TEX36: variants seen among roughly 807,000 people sequenced by gnomAD.
The protein encoded by TEX36 is testis-expressed protein 36.
A neutral mutation model predicts 13.6 loss-of-function variants in TEX36; 12 were observed. The observed-to-expected ratio is 0.88, with a 90% CI of 0.56 to 1.43. TEX36 has a LOEUF of 1.43. TEX36 is among the 40% of genes most tolerant of loss of function. The pLI is 0.00. For synonymous variants in TEX36, 93 were observed against 83.0 expected, an observed-to-expected ratio of 1.12 and a Z score of -0.65; for missense variants, 224 against 228.3, an observed-to-expected ratio of 0.98 and a Z score of 0.12.
chr10:125,609,399 G>T (rs902955838), intron 3 of TEX36, among the ~76,000 whole-genome samples: 8 of 152,132 alleles, frequency 5.3e-5, no homozygotes, highest in Non-Finnish European at 8.8e-5. Context: ...TTTTTCTTGG[G>T]CACAGTTAAA....
chr10:125,657,190 T>G (rs1278438781), intron 3 of TEX36, among the ~76,000 whole-genome samples: 1 of 152,212 alleles, frequency 6.6e-6, no homozygotes, highest in Non-Finnish European at 1.5e-5. Context: ...GTGAGGTTTC[T>G]GTGATGAAGG....
intron 3 of TEX36, among the ~76,000 whole-genome samples, chr10:125,644,594 C>T (rs1033480547): frequency 6.6e-6 from 1 of 152,134 alleles, no homozygotes; most frequent in African/African-American, 2.4e-5. Context: ...CTGAATAAGG[C>T]TTGTGGATTG....
intron 3 of TEX36, among the ~76,000 whole-genome samples, chr10:125,611,056 A>AT (rs1846283707): frequency 6.6e-6 from 1 of 151,992 alleles, no homozygotes; most frequent in African/African-American, 2.4e-5. Flanking sequence ...TATTGTGAAC[A>AT]TTTTTTGGCA....
chr10:125,624,787 G>A (rs1185278894), intron 3 of TEX36, among the ~76,000 whole-genome samples: 2 of 152,074 alleles, frequency 1.3e-5, no homozygotes, highest in African/African-American at 2.4e-5. Context: ...TTTTGTGAGA[G>A]GGGGCTCGGG....
intron 3 of TEX36, among the ~76,000 whole-genome samples, chr10:125,622,778 T>G (rs1846443566): frequency 6.6e-6 from 1 of 152,196 alleles, no homozygotes; most frequent in Non-Finnish European, 1.5e-5. Flanking sequence ...GTCGATTTCA[T>G]CTTGATAGTC....
intron 3 of TEX36, among the ~76,000 whole-genome samples, chr10:125,613,704 A>G (rs1431201488): frequency 6.6e-6 from 1 of 151,852 alleles, no homozygotes; most frequent in Non-Finnish European, 1.5e-5. Context: ...GGTTGGTTCC[A>G]AGTCTTTGCT....
chr10:125,621,709 C>T (rs1846431372), intron 3 of TEX36: 1 of 455,286 alleles, frequency 2.2e-6, no homozygotes, highest in African/African-American at 2.0e-5. Flanking sequence ...CCAGGGAAGC[C>T]AACAGTGTAG....
At chr10:125,645,425 G>A (rs991939384) in intron 3 of TEX36, among the ~76,000 whole-genome samples, 1 of 152,114 alleles carries the variant, frequency 6.6e-6, no homozygotes, top group Non-Finnish European at 1.5e-5. Context: ...AGACCTGAGA[G>A]AGCACATTGG....
chr10:125,669,568 T>G (rs1331805388), intron 1 of TEX36, among the ~76,000 whole-genome samples: 1 of 152,208 alleles, frequency 6.6e-6, no homozygotes, highest in Non-Finnish European at 1.5e-5. Context: ...TTTAAGAATT[T>G]TTTAAATTTT....
chr10:125,626,354 C>A lies in TEX36; in HGVS notation c.265-4709G>T, dbSNP rs573472212. ...TGCTGAGTGCCCCCTATATCCTGGG[C>A]CTGGCATCAGGACTGGCCAATGTTG... On this transcript the variant is annotated intron_variant, in intron 3 of 3. Transcript: ENST00000526819. Among the ~76,000 whole-genome samples, 4 of 152,316 alleles carry A rather than the reference C, an allele frequency of 2.6e-5. No homozygotes were observed. In the South Asian group the frequency reaches 8.3e-4, roughly 32 times the overall value.
intron 1 of TEX36, among the ~76,000 whole-genome samples, chr10:125,663,549 C>T (rs1388616423): frequency 2.0e-5 from 3 of 152,170 alleles, no homozygotes; most frequent in East Asian, 1.9e-4. Flanking sequence ...TCCCCATCCT[C>T]GCCAACATCT....
At chr10:125,592,980 G>A (rs1180286501) in intron 3 of TEX36, among the ~76,000 whole-genome samples, 2 of 152,200 alleles carry the variant, frequency 1.3e-5, no homozygotes, top group Admixed American at 6.5e-5. Context: ...CAGCAACCTG[G>A]AAGCTCTCCA....
At chr10:125,586,940 C>T (rs1302207354) in intron 3 of TEX36, among the ~76,000 whole-genome samples, 2 of 152,012 alleles carry the variant, frequency 1.3e-5, no homozygotes, top group African/African-American at 4.8e-5. Flanking sequence ...GGACTAGCAC[C>T]ATCCCCCTAG....
chr10:125,625,193 A>T (rs886480781), intron 3 of TEX36, among the ~76,000 whole-genome samples: 1 of 152,208 alleles, frequency 6.6e-6, no homozygotes, highest in East Asian at 1.9e-4. Flanking sequence ...CCCACCAGAC[A>T]TGAGCCCCTC....
intron 1 of TEX36, among the ~76,000 whole-genome samples, chr10:125,678,298 T>A (rs974439101): frequency 3.9e-5 from 6 of 152,170 alleles, no homozygotes; most frequent in Non-Finnish European, 5.9e-5. Flanking sequence ...CCACAATTAG[T>A]GGTACCTGTG....
chr10:125,613,340 T>C (rs1386215422), intron 3 of TEX36, among the ~76,000 whole-genome samples: 2 of 150,294 alleles, frequency 1.3e-5, no homozygotes, highest in African/African-American at 2.5e-5. Context: ...GCAGGTTAGT[T>C]ACATACGTAT....
At chr10:125,583,215 G>A (rs1209742811) in intron 3 of TEX36, among the ~76,000 whole-genome samples, 9 of 151,836 alleles carry the variant, frequency 5.9e-5, no homozygotes, top group African/African-American at 1.7e-4. Flanking sequence ...TTGAACGGGT[G>A]GAGAGGAAGG....
intron 2 of TEX36, 117 bp downstream of exon 2, chr10:125,661,729 A>T: frequency 1.5e-6 from 2 of 1,368,656 alleles, no homozygotes; most frequent in Non-Finnish European, 2.0e-6. Context: ...TAGGGGTCCA[A>T]GGATAGTAAA....
intron 1 of TEX36, among the ~76,000 whole-genome samples, chr10:125,680,285 T>A (rs1847374007): frequency 6.6e-6 from 1 of 152,214 alleles, no homozygotes; most frequent in Non-Finnish European, 1.5e-5. Context: ...TCAAGAATGA[T>A]GTCTCTCACC....
Sources: allele counts gnomAD v4.1 joint callset (sites outside exome capture counted in the v4.1 genomes callset), GRCh38; gene constraint gnomAD v4.1.1; transcripts MANE v1.5; gene names NCBI Gene and HGNC (gene_info 2026-07-23, HGNC 2026-07-21).